Variants in PPP1R13B observed in about 807,000 individuals in gnomAD.
PPP1R13B encodes apoptosis-stimulating of p53 protein 1.
PPP1R13B carries 44 observed loss-of-function variants against 119.8 expected under a neutral mutation model. That is an observed-to-expected ratio of 0.37 (90% confidence interval 0.29 to 0.47). The LOEUF (loss-of-function observed/expected upper bound fraction) is 0.47, where lower values mean the gene tolerates loss of function less well. PPP1R13B is among the 20% of genes least tolerant of loss of function. PPP1R13B has a pLI of 0.99. For synonymous variants in PPP1R13B, 542 were observed against 561.5 expected (o/e 0.97, Z 0.49); for missense variants, 1,227 against 1,413.5 (o/e 0.87, Z 2.12).
intron 5 of PPP1R13B, among the ~76,000 whole-genome samples, chr14:103,756,607 C>T (rs2084682916): frequency 6.6e-6 from 1 of 152,080 alleles, no homozygotes; most frequent in Non-Finnish European, 1.5e-5. Flanking sequence ...TGGGGAAGCC[C>T]CGTTAACCAC....
At chr14:103,774,098 G>T (rs1184075561) in intron 4 of PPP1R13B, among the ~76,000 whole-genome samples, 1 of 152,152 alleles carries the variant, frequency 6.6e-6, no homozygotes, top group African/African-American at 2.4e-5. Flanking sequence ...ACATGGAAAA[G>T]AATTAATTTG....
rs754594228 is a variant in PPP1R13B at position 103,784,929 on chromosome 14, A to G, written c.158-15T>C. On this transcript the variant is annotated splice_polypyrimidine_tract_variant and intron_variant, in intron 2 of 16. Transcript: ENST00000202556. The stretch of plus-strand genomic sequence containing the variant: ...TATGGGACGTTCTAGGAAAAAGACC[A>G]CATCTTTTTTACTCCAGAATTAAAA... The G allele has an allele frequency of 6.5e-7, 1 of 1,548,234 alleles. No homozygotes were observed. The highest frequency in any genetic ancestry group is 1.2e-5 in the South Asian group (1 of 82,942).
chr14:103,765,504 T>G (rs975891509), intron 4 of PPP1R13B, among the ~76,000 whole-genome samples: 2 of 152,204 alleles, frequency 1.3e-5, no homozygotes, highest in Non-Finnish European at 2.9e-5. Flanking sequence ...GGCTCTCGCC[T>G]TTTTCCAGAA....
chr14:103,817,423 A>C (rs1209932780), intron 1 of PPP1R13B, among the ~76,000 whole-genome samples: 1 of 152,212 alleles, frequency 6.6e-6, no homozygotes, highest in Admixed American at 6.5e-5. Context: ...TATATTAAAA[A>C]AAAAAGACTT....
chr14:103,776,893 A>G (rs2085213264), intron 4 of PPP1R13B, among the ~76,000 whole-genome samples: 1 of 151,822 alleles, frequency 6.6e-6, no homozygotes, highest in Non-Finnish European at 1.5e-5. Flanking sequence ...AAAGAAACTC[A>G]ATCTCTAGTC....
chr14:103,823,609 C>A (rs1345061001), intron 1 of PPP1R13B, among the ~76,000 whole-genome samples: 1 of 152,080 alleles, frequency 6.6e-6, no homozygotes, highest in Non-Finnish European at 1.5e-5. Flanking sequence ...AAATTCTAAA[C>A]CCCAGAACCA....
intron 1 of PPP1R13B, among the ~76,000 whole-genome samples, chr14:103,801,598 G>A (rs1595793332): frequency 1.3e-5 from 2 of 152,024 alleles, no homozygotes; most frequent in South Asian, 2.1e-4. Context: ...CTTCCTTTAC[G>A]ATCCAGTGGC....
chr14:103,744,660 C>T (rs1327531456), intron 9 of PPP1R13B, among the ~76,000 whole-genome samples: 3 of 152,198 alleles, frequency 2.0e-5, no homozygotes, highest in Non-Finnish European at 4.4e-5. Flanking sequence ...TAATTAGGCC[C>T]GACGTCGAGG....
At chr14:103,827,645 T>C (rs1303627102) in intron 1 of PPP1R13B, among the ~76,000 whole-genome samples, 1 of 148,650 alleles carries the variant, frequency 6.7e-6, no homozygotes, top group South Asian at 2.1e-4. Flanking sequence ...TATTATAAAG[T>C]ATATATAATA....
At position 103,742,506 on chromosome 14, in the gene PPP1R13B, A is replaced by G; in HGVS notation, c.1320+148T>C. 7.7e-7 allele frequency: 1 copy of G among 1,292,718 alleles called. No individual in the cohort carries two copies. Among genetic ancestry groups the G allele is most frequent in the Admixed American group, 2.5e-5 (1 of 40,770 alleles). The allele number at this position is 1,292,718 out of a possible 1,614,324, so 80.1% of individuals were successfully genotyped here. On this transcript the variant is annotated intron_variant, in intron 10 of 16. Transcript: ENST00000202556. The surrounding 1 kb of genome is among the most constrained non-coding windows in gnomAD (Gnocchi z 4.9). ...TGGGCTGCTCAGGCTCTTAGGGCCC[A>G]GTAACCCTCTAGGACTTTGGGTGTT... is the stretch of plus-strand genomic sequence containing the variant.
At chr14:103,797,758 T>A (rs1451822672) in intron 1 of PPP1R13B, among the ~76,000 whole-genome samples, 2 of 151,664 alleles carry the variant, frequency 1.3e-5, no homozygotes, top group Non-Finnish European at 2.9e-5. Context: ...TATAAAGTGC[T>A]CAAAACAACA....
intron 1 of PPP1R13B, among the ~76,000 whole-genome samples, chr14:103,835,654 G>C (rs2086759145): frequency 6.6e-6 from 1 of 151,810 alleles, no homozygotes; most frequent in Non-Finnish European, 1.5e-5. Context: ...TGCCGCCCAG[G>C]CTGGAGTGCA....
In PPP1R13B at chr14:103,754,911, C is replaced by CT. The variant is rs1362452308; in HGVS notation, c.457-668dup. 2.0e-5 allele frequency among the ~76,000 whole-genome samples: 3 copies of CT among 151,940 alleles called. No homozygotes were observed. In the East Asian group the frequency reaches 5.8e-4, roughly 30 times the overall value. Reference sequence around the variant, plus strand: ...TCTCCTGACTCAGTCTACCGAGTAGCTGGGACTACAGGCGCCCACCACCAT... The same window carrying CT: ...TCTCCTGACTCAGTCTACCGAGTAGCTTGGGACTACAGGCGCCCACCACCAT... On this transcript the variant is annotated intron_variant, in intron 5 of 16. Coordinates refer to ENST00000202556, the MANE Select transcript of PPP1R13B (RefSeq NM_015316.3).
intron 16 of PPP1R13B, 34 bp downstream of exon 16, chr14:103,735,969 A>G (rs1451529525): frequency 1.2e-6 from 2 of 1,610,518 alleles, no homozygotes; most frequent in African/African-American, 1.3e-5. Context: ...AGACACGGGC[A>G]GCTAGTTTCC....
intron 4 of PPP1R13B, among the ~76,000 whole-genome samples, chr14:103,767,300 C>T (rs777326497): frequency 3.9e-5 from 6 of 151,984 alleles, no homozygotes; most frequent in Non-Finnish European, 7.4e-5. Context: ...GGCAACAGAG[C>T]GAAACCCTGT....
chr14:103,848,714 G>T (rs1259476177), upstream of PPP1R13B, among the ~76,000 whole-genome samples: 2 of 152,220 alleles, frequency 1.3e-5, no homozygotes, highest in Non-Finnish European at 2.9e-5. Context: ...GCTGCAGAGT[G>T]GGGGCAGAGC....
At chr14:103,778,660 C>T in intron 4 of PPP1R13B, 85 bp downstream of exon 4, 1 of 1,088,824 alleles carries the variant, frequency 9.2e-7, no homozygotes, top group South Asian at 1.3e-5. Context: ...CCCACCTTGG[C>T]CTCCCAAAGT....
chr14:103,771,617 A>G (rs2085072153), intron 4 of PPP1R13B, among the ~76,000 whole-genome samples: 1 of 149,890 alleles, frequency 6.7e-6, no homozygotes, highest in Non-Finnish European at 1.5e-5. Context: ...AGTAGTTGGG[A>G]TTACAGGCGC....
At chr14:103,780,485 CAAAAAAAAAAAAAAAA>C (rs34274916) in intron 3 of PPP1R13B, among the ~76,000 whole-genome samples, 6 of 36,194 alleles carry the variant, frequency 1.7e-4, no homozygotes, top group African/African-American at 7.6e-4. Flanking sequence ...AACCCTGTCT[CAAAAAAAAAAAAAAAA>C]AAAAAAAAAA....
Sources: allele counts gnomAD v4.1 joint callset (sites outside exome capture counted in the v4.1 genomes callset), GRCh38; gene constraint gnomAD v4.1.1; non-coding constraint Gnocchi (gnomAD v3.1); transcripts MANE v1.5; gene names NCBI Gene and HGNC (gene_info 2026-07-23, HGNC 2026-07-21).